CDH18: variants seen among roughly 807,000 people sequenced by gnomAD.
The protein encoded by CDH18 is cadherin-18.
A neutral mutation model predicts 67.9 loss-of-function variants in CDH18; 31 were observed. The observed-to-expected ratio is 0.46, with a 90% CI of 0.34 to 0.62. The LOEUF is 0.62. Among genes scored for constraint, CDH18 ranks in the 20% least tolerant of loss-of-function variants. CDH18 has a pLI of 0.01. For missense variants in CDH18, 890 were observed against 975.5 expected (o/e 0.91, Z 1.17); for synonymous variants, 362 against 347.2 (o/e 1.04, Z -0.48).
At chr5:20,521,009 T>G (rs1309019120) in intron 1 of CDH18, among the ~76,000 whole-genome samples, 1 of 152,076 alleles carries the variant, frequency 6.6e-6, no homozygotes, top group East Asian at 1.9e-4. Context: ...TGTTCTGAAA[T>G]GGGACTATAT....
intron 5 of CDH18, among the ~76,000 whole-genome samples, chr5:19,653,213 A>G (rs1275939265): frequency 6.6e-6 from 1 of 152,048 alleles, no homozygotes; most frequent in African/African-American, 2.4e-5. Flanking sequence ...TTCCTTGCTT[A>G]GGGATTAAAA....
Position 20,477,095 on chromosome 5 carries a change from G to A in CDH18, c.-580+98367C>T, listed in dbSNP as rs1031668305. Among the ~76,000 whole-genome samples, 34 of 152,118 alleles carry A rather than the reference G, an allele frequency of 2.2e-4. No individual in the cohort carries two copies. In the South Asian group the frequency reaches 2.5e-3, roughly 11 times the overall value. ...GCTTTACAGAGGGAGGGCAAATATA[G>A]TTAGCATCTCCAGGGAAGAGTATTC... On this transcript the variant is annotated intron_variant, in intron 1 of 14. Coordinates refer to the CDH18 transcript ENST00000507958.
At chr5:19,696,487 G>A (rs1561073124) in intron 5 of CDH18, among the ~76,000 whole-genome samples, 1 of 151,386 alleles carries the variant, frequency 6.6e-6, no homozygotes. Flanking sequence ...AGTGAGCCGA[G>A]ATTGATCCAC....
At chr5:19,821,359 C>T (rs2149947477) in intron 3 of CDH18, among the ~76,000 whole-genome samples, 1 of 148,784 alleles carries the variant, frequency 6.7e-6, no homozygotes, top group East Asian at 2.0e-4. Context: ...TTTTTGAGCT[C>T]AGAGACTGGT....
At chr5:20,088,970 T>G (rs1745202819) in intron 2 of CDH18, among the ~76,000 whole-genome samples, 1 of 152,114 alleles carries the variant, frequency 6.6e-6, no homozygotes, top group Non-Finnish European at 1.5e-5. Context: ...TTGGGACCCC[T>G]CCTGGTTTTT....
chr5:20,364,440 A>G (rs1048066619), intron 1 of CDH18, among the ~76,000 whole-genome samples: 1 of 152,220 alleles, frequency 6.6e-6, no homozygotes, highest in African/African-American at 2.4e-5. Flanking sequence ...ACCACTGAGC[A>G]CCTTCCATAT....
At chr5:20,547,560 G>GA (rs11411726) in intron 1 of CDH18, among the ~76,000 whole-genome samples, 63,585 of 140,846 alleles carry the variant, frequency 0.45, 14,112 homozygotes, top group East Asian at 0.57. Flanking sequence ...GACTCTGTCA[G>GA]AAAAAAAAAA....
At chr5:19,836,949 C>T (rs1051939676) in intron 3 of CDH18, among the ~76,000 whole-genome samples, 1 of 152,142 alleles carries the variant, frequency 6.6e-6, no homozygotes, top group Non-Finnish European at 1.5e-5. Flanking sequence ...ACTATAAAGA[C>T]ACTTGCACAC....
At chr5:19,623,487 A>G (rs1751013589) in intron 5 of CDH18, among the ~76,000 whole-genome samples, 1 of 152,156 alleles carries the variant, frequency 6.6e-6, no homozygotes. Flanking sequence ...TGTGGCTTAT[A>G]AAAAATTTGT....
intron 2 of CDH18, among the ~76,000 whole-genome samples, chr5:20,025,043 G>A (rs906070920): frequency 4.6e-5 from 7 of 152,082 alleles, no homozygotes; most frequent in African/African-American, 9.7e-5. Flanking sequence ...CATATCTTTC[G>A]TAACATATCC....
At chr5:19,529,102 G>A (rs1748199303) in intron 9 of CDH18, among the ~76,000 whole-genome samples, 1 of 151,880 alleles carries the variant, frequency 6.6e-6, no homozygotes, top group African/African-American at 2.4e-5. Flanking sequence ...AATGCTCTCT[G>A]GGAGAAGAGA....
At position 20,018,926 on chromosome 5, in the gene CDH18, C is replaced by G. The variant is rs889649810; in HGVS notation, c.-517-26912G>C. ...TCTCCTGCCTCAGCCTCCCGTGTAGCTGGGACTACAGGCGCGCGCCACCAT... is the reference window on the plus strand; with the variant it reads ...TCTCCTGCCTCAGCCTCCCGTGTAGGTGGGACTACAGGCGCGCGCCACCAT... On this transcript the variant is annotated intron_variant, in intron 2 of 14. Coordinates refer to the CDH18 transcript ENST00000507958. Among the ~76,000 whole-genome samples the G allele has an allele frequency of 2.7e-5, 4 of 150,272 alleles. 1 individual carries two copies. The South Asian group carries it at 8.5e-4, about 32-fold the overall frequency.
At chr5:20,094,173 C>G (rs1745680548) in intron 2 of CDH18, among the ~76,000 whole-genome samples, 1 of 152,138 alleles carries the variant, frequency 6.6e-6, no homozygotes, top group African/African-American at 2.4e-5. Context: ...CTGGAATAAA[C>G]TAAATCAGTT....
At chr5:19,803,382 G>A (rs996282429) in intron 3 of CDH18, among the ~76,000 whole-genome samples, 1 of 152,124 alleles carries the variant, frequency 6.6e-6, no homozygotes, top group Non-Finnish European at 1.5e-5. Context: ...GTCTGATATT[G>A]TAACTGATAG....
chr5:19,785,418 C>G (rs970817640), intron 3 of CDH18, among the ~76,000 whole-genome samples: 2 of 150,650 alleles, frequency 1.3e-5, no homozygotes, highest in Non-Finnish European at 1.5e-5. Flanking sequence ...TTTGGGAGGC[C>G]GAGGCGGGCA....
In CDH18 at chr5:20,012,372, CA is replaced by C. The variant is rs374226366; in HGVS notation, c.-517-20359del. On this transcript the variant is annotated intron_variant, in intron 2 of 14. Transcript: ENST00000507958. ...AGTCTAGCTATTTTATTATCTTGTT[CA>C]AAAAAAAAAAAAAAAAAACACCAGC... is the stretch of plus-strand genomic sequence containing the variant. 2.4e-3 allele frequency among the ~76,000 whole-genome samples: 275 copies of C among 116,062 alleles called. 2 individuals are homozygous for C. The highest frequency in any genetic ancestry group is 7.7e-3 in the African/African-American group (231 of 29,950). 76.1% of individuals were successfully genotyped at this position (116,062 alleles called of 152,430 possible).
chr5:19,557,045 A>C (rs1442531289), intron 8 of CDH18, among the ~76,000 whole-genome samples: 1 of 152,050 alleles, frequency 6.6e-6, no homozygotes, highest in African/African-American at 2.4e-5. Context: ...TAAGTTTCAT[A>C]AATGAAGGGA....
chr5:19,756,014 C>T (rs531465136), intron 3 of CDH18, among the ~76,000 whole-genome samples: 1 of 152,194 alleles, frequency 6.6e-6, no homozygotes, highest in South Asian at 2.1e-4. Context: ...CAGTGTTAAC[C>T]ATCACAAGTA....
intron 2 of CDH18, among the ~76,000 whole-genome samples, chr5:20,244,786 C>G (rs1743249426): frequency 6.6e-6 from 1 of 151,934 alleles, no homozygotes; most frequent in South Asian, 2.1e-4. Flanking sequence ...ATGTCTTTTC[C>G]TCTGCATTCA....
Sources: gnomAD v4.1 joint callset for allele counts (sites outside exome capture counted in the v4.1 genomes callset) on GRCh38, gnomAD v4.1.1 for gene constraint, MANE v1.5 for transcripts, NCBI Gene and HGNC (gene_info 2026-07-23, HGNC 2026-07-21) for gene names.